The following SHPRH variants were observed in gnomAD, a reference collection of about 807,000 sequenced individuals.
The protein encoded by SHPRH is E3 ubiquitin-protein ligase SHPRH.
Under a neutral mutation model 202.5 loss-of-function variants are expected in SHPRH, and 106 were observed. The ratio of observed to expected loss-of-function variants is 0.52; its 90% CI spans 0.45 to 0.62. The LOEUF (loss-of-function observed/expected upper bound fraction) is 0.62, where lower values mean the gene tolerates loss of function less well. SHPRH is among the 20% of genes least tolerant of loss of function. The pLI is 0.00. For synonymous variants in SHPRH, 729 were observed against 686.0 expected (o/e 1.06, Z -0.98); for missense variants, 1,710 against 2,020.0 (o/e 0.85, Z 2.94).
rs779414269 is a variant in SHPRH at position 145,955,108 on chromosome 6, CTCT to C, written c.212_214del (p.Lys71del). 3 of 1,613,522 alleles carry C rather than the reference CTCT, an allele frequency of 1.9e-6. No homozygotes were observed. The highest frequency in any genetic ancestry group is 2.5e-6 in the Non-Finnish European group (3 of 1,179,952). ...TGAGAAGCTCACCACTTTTGAACAC[CTCT>C]TCTTATCTCTGTGAGCCACTTCTTC... On this transcript the variant is annotated inframe_deletion, in exon 2 of 30. Transcript: ENST00000275233.
intron 25 of SHPRH, chr6:145,905,007 AT>A (rs1782830791): frequency 6.6e-6 from 1 of 152,100 alleles, no homozygotes; most frequent in Non-Finnish European, 1.5e-5. Context: ...AGGTGTTTGG[AT>A]TTGATGGGCT....
chr6:145,959,197 A>G (rs924284675), intron 1 of SHPRH, among the ~76,000 whole-genome samples: 4 of 152,192 alleles, frequency 2.6e-5, no homozygotes, highest in African/African-American at 9.7e-5. Flanking sequence ...CAAAGTCTAC[A>G]GAAGTGTACA....
At chr6:145,931,890 CTTTTT>C (rs55660510) in intron 14 of SHPRH, among the ~76,000 whole-genome samples, 1 of 144,048 alleles carries the variant, frequency 6.9e-6, no homozygotes, top group Admixed American at 6.9e-5. Context: ...CAATATATTT[CTTTTT>C]TTTTTTTTTC....
At chr6:145,962,061 C>T (rs1000263567) in intron 1 of SHPRH, among the ~76,000 whole-genome samples, 1 of 152,104 alleles carries the variant, frequency 6.6e-6, no homozygotes, top group African/African-American at 2.4e-5. Flanking sequence ...TTGGGTAAAA[C>T]GTAATTATGT....
chr6:145,952,493 T>C lies in SHPRH; in HGVS notation c.634-15A>G, dbSNP rs910416093. 10 of 1,593,834 alleles carry C rather than the reference T, an allele frequency of 6.3e-6. No individual in the cohort carries two copies. The highest frequency in any genetic ancestry group is 8.5e-6 in the Non-Finnish European group (10 of 1,171,188). ...TAAATTCCAACCTAAAAACAATTAA[T>C]CAAAATAAAAGTAGTTTCATTTGAA... On this transcript the variant is annotated splice_polypyrimidine_tract_variant and intron_variant, in intron 2 of 29. Coordinates refer to ENST00000275233, the MANE Select transcript of SHPRH (RefSeq NM_001042683.3).
At position 145,943,397 on chromosome 6, in the gene SHPRH, T is replaced by C. The variant is rs199594116; in HGVS notation, c.1984A>G (p.Ile662Val). ...TCTATCTGATCAAGTTCACCACATATACACTCAAAGCGGTAATCAGAGGTG... is the reference window on the plus strand; with the variant it reads ...TCTATCTGATCAAGTTCACCACATACACACTCAAAGCGGTAATCAGAGGTG... ...FNTSDYRFEC[I>V]CGELDQIDRK... Residue 662 changes from isoleucine (I) to valine (V), a missense_variant, in exon 9 of 30, where the codon ATA becomes GTA. By Grantham distance (29) the Ile-to-Val change is conservative (BLOSUM62 3). Around this residue, in one of 8 missense-constraint regions of SHPRH, gnomAD observed 348 missense variants for 356.9 expected, o/e 0.97. Coordinates refer to ENST00000275233, the MANE Select transcript of SHPRH (RefSeq NM_001042683.3). The C allele has an allele frequency of 4.2e-5, 68 of 1,613,946 alleles. No individual in the cohort carries two copies. The highest frequency in any genetic ancestry group is 6.7e-5 in the Admixed American group (4 of 59,976).
In SHPRH at chr6:145,934,507, T is replaced by TAAAATAAAATAAAATAAAATA. The variant is rs1554239366; in HGVS notation, c.2990+399_2990+400insTATTTTATTTTATTTTATTTT. Among the ~76,000 whole-genome samples the TAAAATAAAATAAAATAAAATA allele has an allele frequency of 4.0e-5, 6 of 150,338 alleles. No individual in the cohort carries two copies. The East Asian group carries it at 1.2e-3, about 30-fold the overall frequency. On this transcript the variant is annotated intron_variant, in intron 13 of 29. Coordinates refer to ENST00000275233, the MANE Select transcript of SHPRH (RefSeq NM_001042683.3). The stretch of plus-strand genomic sequence containing the variant: ...TAAAATAAAATAAAATAAAATAAAA[T>TAAAATAAAATAAAATAAAATA]AAAAAGTAGCTGGCTGTAGCAGTGT...
At chr6:145,863,261 A>C (rs1332705781), downstream of SHPRH, among the ~76,000 whole-genome samples, 1 of 152,224 alleles carries the variant, frequency 6.6e-6, no homozygotes, top group Non-Finnish European at 1.5e-5. Flanking sequence ...TGAGACTTGA[A>C]AATGAGAGAC....
intron 24 of SHPRH, among the ~76,000 whole-genome samples, chr6:145,911,711 A>C (rs1783513989): frequency 6.6e-6 from 1 of 151,790 alleles, no homozygotes; most frequent in Non-Finnish European, 1.5e-5. Flanking sequence ...TATGGAAAGA[A>C]AGTGCGTACC....
chr6:145,931,444 C>T (rs550677681), intron 14 of SHPRH, among the ~76,000 whole-genome samples: 17 of 152,210 alleles, frequency 1.1e-4, no homozygotes, highest in African/African-American at 3.1e-4. Context: ...CCTCCGCCTC[C>T]GGGGTTCAAG....
At chr6:145,926,451 T>A (rs1784887277) in intron 15 of SHPRH, among the ~76,000 whole-genome samples, 155 bp from the exon 16 acceptor site, 1 of 152,026 alleles carries the variant, frequency 6.6e-6, no homozygotes, top group Non-Finnish European at 1.5e-5. Flanking sequence ...ACTACTTTGT[T>A]TTCTTTACTC....
chr6:145,963,188 C>T (rs1301163484), intron 1 of SHPRH, among the ~76,000 whole-genome samples: 2 of 152,194 alleles, frequency 1.3e-5, no homozygotes, highest in East Asian at 3.8e-4. Context: ...ACTGCTCTGT[C>T]TCCAGCATGT....
At chr6:145,949,975 T>C (rs1418557458) in intron 4 of SHPRH, among the ~76,000 whole-genome samples, 2 of 152,056 alleles carry the variant, frequency 1.3e-5, no homozygotes, top group African/African-American at 2.4e-5. Flanking sequence ...AATTCTTTGT[T>C]TGAAAGGAAT....
intron 25 of SHPRH, 26 bp from the exon 26 acceptor site, chr6:145,895,003 A>T (rs777332635): frequency 9.4e-6 from 15 of 1,596,238 alleles, no homozygotes; most frequent in Non-Finnish European, 1.3e-5. Context: ...CAAAATACAC[A>T]TTACTACTAA....
At chr6:145,913,767 A>G (rs1783703288) in intron 23 of SHPRH, among the ~76,000 whole-genome samples, 1 of 152,126 alleles carries the variant, frequency 6.6e-6, no homozygotes, top group Non-Finnish European at 1.5e-5. Flanking sequence ...AAAAATGAAA[A>G]CAATTTTAAT....
At chr6:145,867,802 TCA>T (rs1272691840) in intron 2 of SHPRH, among the ~76,000 whole-genome samples, 7 of 151,524 alleles carry the variant, frequency 4.6e-5, no homozygotes, top group Admixed American at 1.3e-4. Context: ...AAAACTGATT[TCA>T]GTTTCTGCTC....
chr6:145,941,794 A>T lies in SHPRH; in HGVS notation c.2319T>A (p.Asp773Glu), dbSNP rs777351926. 6.2e-7 allele frequency: 1 copy of T among 1,614,048 alleles called. No individual in the cohort carries two copies. The highest frequency in any genetic ancestry group is 8.5e-7 in the Non-Finnish European group (1 of 1,179,988). Reference protein sequence around the residue: ...AEQDIVIITYDVLRSELNYVD... With the variant: ...AEQDIVIITYEVLRSELNYVD... ...CATAATTTAATTCTGAACGCAGTAC[A>T]TCATAGGTAATGATAACTATATCCT... Residue 773 changes from aspartate (D) to glutamate (E), a missense_variant, in exon 10 of 30, where the codon GAT becomes GAA. By Grantham distance (45) the Asp-to-Glu change is conservative. Around this residue, in one of 8 missense-constraint regions of SHPRH, gnomAD observed 277 missense variants for 363.0 expected, o/e 0.76. Transcript: ENST00000275233.
At chr6:145,914,097 A>G (rs902613967) in intron 23 of SHPRH, among the ~76,000 whole-genome samples, 14 of 152,072 alleles carry the variant, frequency 9.2e-5, no homozygotes, top group Admixed American at 2.0e-4. Flanking sequence ...TCACCTACAA[A>G]TTTAGTGGCT....
At chr6:145,921,683 C>T (rs559184860) in intron 20 of SHPRH, among the ~76,000 whole-genome samples, 1 of 151,716 alleles carries the variant, frequency 6.6e-6, no homozygotes, top group South Asian at 2.1e-4. Flanking sequence ...AGGAAAATTT[C>T]TATTTTAGAG....
Sources: allele counts gnomAD v4.1 joint callset (sites outside exome capture counted in the v4.1 genomes callset), GRCh38; gene constraint gnomAD v4.1.1; regional missense constraint gnomAD v4.1.1; transcripts MANE v1.5; gene names NCBI Gene and HGNC (gene_info 2026-07-23, HGNC 2026-07-21).